The following ARFGEF3 variants were observed in gnomAD, a reference collection of about 807,000 sequenced individuals.
The protein encoded by ARFGEF3 is ARFGEF family member 3.
ARFGEF3 carries 96 observed loss-of-function variants against 221.7 expected under a neutral mutation model. The ratio of observed to expected loss-of-function variants is 0.43; its 90% CI spans 0.37 to 0.51. The LOEUF (loss-of-function observed/expected upper bound fraction) is 0.51, where lower values mean the gene tolerates loss of function less well. ARFGEF3 is among the 20% of genes least tolerant of loss of function. ARFGEF3 has a pLI of 0.00. For synonymous variants in ARFGEF3, 1,145 were observed against 1,126.8 expected (o/e 1.02, Z -0.32); for missense variants, 2,410 against 2,789.9 (o/e 0.86, Z 3.07).
intron 2 of ARFGEF3, among the ~76,000 whole-genome samples, chr6:138,191,680 A>G (rs117301922): frequency 1.1e-3 from 164 of 152,342 alleles, no homozygotes; most frequent in Admixed American, 2.0e-3. Context: ...ATTAGCACTT[A>G]GATGCCCAAA....
chr6:138,334,876 G>A lies in ARFGEF3; in HGVS notation c.6030G>A (p.Gly2010=), dbSNP rs141242277. The A allele has an allele frequency of 2.5e-5, 40 of 1,589,966 alleles. No homozygotes were observed. Among genetic ancestry groups the A allele is most frequent in the African/African-American group, 8.2e-5 (6 of 73,452 alleles). ...SRKKEWWENA[G]NKIYTMAADK... is the part of the protein sequence containing the mutation. Reference sequence around the variant, plus strand: ...AGAAGGAGTGGTGGGAGAATGCGGGGAACAAAATCTACACCATGGCAGCCG... The same window carrying A: ...AGAAGGAGTGGTGGGAGAATGCGGGAAACAAAATCTACACCATGGCAGCCG... Residue 2010 remains glycine (G), a synonymous_variant, in exon 33 of 34, where the codon GGG becomes GGA. Coordinates refer to ENST00000251691, the MANE Select transcript of ARFGEF3 (RefSeq NM_020340.5). The surrounding 1 kb of genome is among the most constrained non-coding windows in gnomAD (Gnocchi z 5.1).
In ARFGEF3 at chr6:138,162,294, G is replaced by A; in HGVS notation, c.85+123G>A. On this transcript the variant is annotated intron_variant, in intron 1 of 33. Coordinates refer to ENST00000251691, the MANE Select transcript of ARFGEF3 (RefSeq NM_020340.5). This position sits in a 1 kb window ranked among gnomAD's most constrained non-coding sequence, Gnocchi z 4.7. The stretch of plus-strand genomic sequence containing the variant: ...GGGTGCCGTTCTGGCGATTGCGAGA[G>A]TCGCCTCGGGAAATTGATGTGGGAT... 1.7e-6 allele frequency: 1 copy of A among 595,346 alleles called. No individual in the cohort carries two copies. Among genetic ancestry groups the A allele is most frequent in the Non-Finnish European group, 2.8e-6 (1 of 354,648 alleles). 36.9% of individuals were successfully genotyped at this position (595,346 alleles called of 1,614,324 possible).
intron 5 of ARFGEF3, among the ~76,000 whole-genome samples, chr6:138,232,065 A>T (rs565125532): frequency 6.6e-6 from 1 of 152,374 alleles, no homozygotes; most frequent in Non-Finnish European, 1.5e-5. Context: ...ATGTGGATGC[A>T]TAGCCCTTCT....
At chr6:138,197,689 A>G (rs1419256167) in intron 2 of ARFGEF3, among the ~76,000 whole-genome samples, 2 of 152,216 alleles carry the variant, frequency 1.3e-5, no homozygotes, top group Non-Finnish European at 2.9e-5. Flanking sequence ...TGTGCGGCAC[A>G]TGACTGTATT....
chr6:138,268,425 TCA>T (rs1778937108), intron 12 of ARFGEF3, among the ~76,000 whole-genome samples: 1 of 152,226 alleles, frequency 6.6e-6, no homozygotes, highest in Admixed American at 6.5e-5. Flanking sequence ...CTCGGCTGAA[TCA>T]CAGTCACTCA....
At chr6:138,214,592 G>A (rs543247692) in intron 4 of ARFGEF3, among the ~76,000 whole-genome samples, 1 of 152,176 alleles carries the variant, frequency 6.6e-6, no homozygotes, top group Non-Finnish European at 1.5e-5. Context: ...ATCTGTTAGT[G>A]CTTATAAACA....
chr6:138,307,115 T>C, intron 22 of ARFGEF3, 138 bp from the exon 23 acceptor site: 1 of 778,078 alleles, frequency 1.3e-6, no homozygotes, highest in Non-Finnish European at 2.0e-6. Context: ...GATTTTTGAG[T>C]GAGTTTGTCT....
intron 5 of ARFGEF3, among the ~76,000 whole-genome samples, chr6:138,235,798 A>G (rs1265193951): frequency 6.6e-6 from 1 of 152,214 alleles, no homozygotes; most frequent in Non-Finnish European, 1.5e-5. Flanking sequence ...GTCATCAAAT[A>G]CATGGTAATT....
intron 1 of ARFGEF3, among the ~76,000 whole-genome samples, chr6:138,168,244 C>T (rs2114424497): frequency 6.6e-6 from 1 of 152,078 alleles, no homozygotes; most frequent in South Asian, 2.1e-4. Flanking sequence ...GTGATAAGAG[C>T]TAAGAAAGGG....
At position 138,253,998 on chromosome 6, in the gene ARFGEF3, C is replaced by T. The variant is rs1321570401; in HGVS notation, c.770+14C>T. 1 of 1,529,308 alleles carries T rather than the reference C, an allele frequency of 6.5e-7. No homozygotes were observed. Among genetic ancestry groups the T allele is most frequent in the African/African-American group, 1.4e-5 (1 of 72,018 alleles). 94.7% of individuals were successfully genotyped at this position (1,529,308 alleles called of 1,614,324 possible). ...GGACCTGATCTGGTGAGCACCCACT[C>T]CTGACGCCCCGACGCTGATGCCAAC... On this transcript the variant is annotated intron_variant, in intron 9 of 33. Transcript: ENST00000251691.
At chr6:138,165,315 G>A (rs987777504) in intron 1 of ARFGEF3, among the ~76,000 whole-genome samples, 16 of 149,772 alleles carry the variant, frequency 1.1e-4, no homozygotes, top group Admixed American at 5.3e-4. Flanking sequence ...AGAGAGAGGG[G>A]CATCCGACAC....
chr6:138,320,251 C>A (rs1405682216), intron 28 of ARFGEF3, among the ~76,000 whole-genome samples: 1 of 152,070 alleles, frequency 6.6e-6, no homozygotes, highest in Admixed American at 6.5e-5. Context: ...GCGGGTATAG[C>A]CTGTCACCCT....
At chr6:138,195,157 C>T (rs894094803) in intron 2 of ARFGEF3, among the ~76,000 whole-genome samples, 1 of 151,652 alleles carries the variant, frequency 6.6e-6, no homozygotes, top group South Asian at 2.1e-4. Context: ...TGCACACCAC[C>T]ACATGCAGCC....
chr6:138,283,519 C>T (rs912322105), intron 14 of ARFGEF3, among the ~76,000 whole-genome samples: 3 of 152,116 alleles, frequency 2.0e-5, no homozygotes, highest in African/African-American at 7.2e-5. Context: ...TTCTAAATTC[C>T]AGGTATGAAG....
chr6:138,313,761 T>C (rs1314355515), intron 25 of ARFGEF3, 34 bp from the exon 26 acceptor site: 1 of 1,585,240 alleles, frequency 6.3e-7, no homozygotes, highest in Non-Finnish European at 8.7e-7. Flanking sequence ...TTTTCCAACA[T>C]ATAATTGCAG....
At chr6:138,311,004 T>G (rs76405788) in intron 24 of ARFGEF3, among the ~76,000 whole-genome samples, 1,841 of 152,300 alleles carry the variant, frequency 0.012, 20 homozygotes, top group South Asian at 0.031. Context: ...GGGATTGTCC[T>G]TTGTCATCAA....
At chr6:138,293,058 A>G (rs1779441567) in intron 19 of ARFGEF3, among the ~76,000 whole-genome samples, 1 of 152,222 alleles carries the variant, frequency 6.6e-6, no homozygotes, top group Admixed American at 6.5e-5. Flanking sequence ...ATAAATGTTT[A>G]ATCCGCTAAT....
At chr6:138,321,545 T>C (rs1780027605) in intron 29 of ARFGEF3, among the ~76,000 whole-genome samples, 1 of 152,134 alleles carries the variant, frequency 6.6e-6, no homozygotes, top group South Asian at 2.1e-4. Flanking sequence ...TATCATCTCA[T>C]CCCACCTAAA....
intron 29 of ARFGEF3, 117 bp downstream of exon 29, chr6:138,321,342 CTT>C: frequency 3.3e-6 from 2 of 613,894 alleles, no homozygotes; most frequent in South Asian, 4.3e-5. Flanking sequence ...TGTAAGTAGA[CTT>C]TTGTAATTAA....
Sources: gnomAD v4.1 joint callset for allele counts (sites outside exome capture counted in the v4.1 genomes callset) on GRCh38, gnomAD v4.1.1 for gene constraint, Gnocchi (gnomAD v3.1) non-coding constraint, MANE v1.5 for transcripts, NCBI Gene and HGNC (gene_info 2026-07-23, HGNC 2026-07-21) for gene names.